The following PLPP3 variants were observed in gnomAD, a reference collection of about 807,000 sequenced individuals.
The protein encoded by PLPP3 is phospholipid phosphatase 3.
PLPP3 carries 6 observed loss-of-function variants against 29.6 expected under a neutral mutation model. That is an observed-to-expected ratio of 0.20 (90% CI 0.11 to 0.40). The LOEUF (loss-of-function observed/expected upper bound fraction) is 0.40, where lower values mean the gene tolerates loss of function less well. Ranked by LOEUF, PLPP3 falls within the 10% of genes least tolerant of loss-of-function variation. The pLI, the probability that PLPP3 is intolerant of heterozygous loss-of-function variation, is 1.00. For missense variants in PLPP3, 308 were observed against 407.7 expected, an observed-to-expected ratio of 0.76 and a Z score of 2.11; for synonymous variants, 152 against 159.7, an observed-to-expected ratio of 0.95 and a Z score of 0.36.
At chr1:56,564,742 A>G (rs1326200718) in intron 1 of PLPP3, among the ~76,000 whole-genome samples, 1 of 152,230 alleles carries the variant, frequency 6.6e-6, no homozygotes, top group Non-Finnish European at 1.5e-5. Context: ...CTGCTTTCAT[A>G]TAACATCTAT....
At chr1:56,505,334 C>T (rs1388458412) in intron 5 of PLPP3, among the ~76,000 whole-genome samples, 1 of 152,216 alleles carries the variant, frequency 6.6e-6, no homozygotes, top group Non-Finnish European at 1.5e-5. Context: ...CTTGCCCTGA[C>T]AGCCTACCTA....
chr1:56,556,199 T>C (rs972105970), intron 1 of PLPP3, among the ~76,000 whole-genome samples: 2 of 152,134 alleles, frequency 1.3e-5, no homozygotes, highest in Non-Finnish European at 1.5e-5. Flanking sequence ...TATGAAGTTA[T>C]TTGGAGATAG....
At chr1:56,563,428 G>T (rs1646142942) in intron 1 of PLPP3, among the ~76,000 whole-genome samples, 1 of 152,258 alleles carries the variant, frequency 6.6e-6, no homozygotes, top group Middle Eastern at 3.4e-3. Flanking sequence ...CTGATAAGAA[G>T]AATTAACAAT....
At chr1:56,517,750 T>C (rs1020889750) in intron 4 of PLPP3, among the ~76,000 whole-genome samples, 5 of 152,362 alleles carry the variant, frequency 3.3e-5, no homozygotes, top group East Asian at 1.9e-4. Context: ...AAGAGGCAGT[T>C]TGAGGGCAAA....
rs796778298 is a variant in PLPP3 at position 56,522,392 on chromosome 1, A to T, written c.633+1431T>A. Reference sequence around the variant, plus strand: ...AAATGAACACATACCCAGTTCCTCTAAGCACTTTTATAAAACATCGAAATT... The same window carrying T: ...AAATGAACACATACCCAGTTCCTCTTAGCACTTTTATAAAACATCGAAATT... On this transcript the variant is annotated intron_variant, in intron 4 of 5. Coordinates refer to ENST00000371250, the MANE Select transcript of PLPP3 (RefSeq NM_003713.5). Among the ~76,000 whole-genome samples, 4 of 152,338 alleles carry T rather than the reference A, an allele frequency of 2.6e-5. No homozygotes were observed. In the South Asian group the frequency reaches 6.2e-4, roughly 24 times the overall value.
intron 2 of PLPP3, among the ~76,000 whole-genome samples, chr1:56,527,566 G>C (rs1388510565): frequency 6.6e-6 from 1 of 152,176 alleles, no homozygotes; most frequent in African/African-American, 2.4e-5. Context: ...AGATTTTTAA[G>C]GAGAGGGCCA....
intron 2 of PLPP3, among the ~76,000 whole-genome samples, chr1:56,533,046 T>C (rs558958115): frequency 4.6e-5 from 7 of 150,778 alleles, no homozygotes; most frequent in African/African-American, 1.7e-4. Context: ...AGCAACCTAT[T>C]ATGTAGCTTT....
intron 4 of PLPP3, 148 bp downstream of exon 4, chr1:56,523,675 C>T (rs1645833936): frequency 1.2e-6 from 1 of 823,284 alleles, no homozygotes; most frequent in African/African-American, 1.7e-5. Flanking sequence ...AGTGGCAGCG[C>T]TCAGAATTAA....
intron 1 of PLPP3, 50 bp downstream of exon 1, chr1:56,578,828 G>A (rs1304961671): frequency 6.1e-6 from 9 of 1,481,190 alleles, no homozygotes; most frequent in Admixed American, 4.6e-5. Flanking sequence ...TGGGACGCGC[G>A]CCGAGGGACG....
intron 2 of PLPP3, among the ~76,000 whole-genome samples, chr1:56,527,744 C>T (rs1403955034): frequency 1.3e-5 from 2 of 152,100 alleles, no homozygotes; most frequent in African/African-American, 2.4e-5. Flanking sequence ...ATGAACCAGG[C>T]GGACTTGGCT....
At chr1:56,548,513 G>A (rs1033607310) in intron 1 of PLPP3, among the ~76,000 whole-genome samples, 2 of 152,170 alleles carry the variant, frequency 1.3e-5, no homozygotes, top group Non-Finnish European at 2.9e-5. Flanking sequence ...TTTTCCCAGA[G>A]ATCTAAGGCT....
intron 1 of PLPP3, among the ~76,000 whole-genome samples, chr1:56,545,879 C>T (rs1646002471): frequency 6.6e-6 from 1 of 152,102 alleles, no homozygotes; most frequent in South Asian, 2.1e-4. Context: ...GAGCCAGATG[C>T]AGTGCCAAAA....
At chr1:56,545,528 T>C (rs61772625) in intron 1 of PLPP3, among the ~76,000 whole-genome samples, 14,073 of 152,114 alleles carry the variant, frequency 0.093, 865 homozygotes, top group Non-Finnish European at 0.13. Flanking sequence ...AGGAACTTCT[T>C]GGGATTGGGT....
intron 4 of PLPP3, among the ~76,000 whole-genome samples, chr1:56,522,346 T>C (rs192019955): frequency 1.3e-5 from 2 of 152,164 alleles, no homozygotes; most frequent in Admixed American, 1.3e-4. Flanking sequence ...TCATTTGGAA[T>C]AAAATGAAGG....
chr1:56,499,317 A>C (rs1288559741), intron 5 of PLPP3, among the ~76,000 whole-genome samples: 1 of 152,144 alleles, frequency 6.6e-6, no homozygotes, highest in Non-Finnish European at 1.5e-5. Flanking sequence ...ATACCAAAGT[A>C]ATTACTGGGC....
intron 1 of PLPP3, among the ~76,000 whole-genome samples, chr1:56,559,265 G>A (rs936559060): frequency 2.1e-4 from 32 of 152,278 alleles, no homozygotes; most frequent in African/African-American, 7.7e-4. Context: ...GAAGCAAGGA[G>A]ACTAATATGG....
At chr1:56,498,348 A>C (rs1158711608) in intron 5 of PLPP3, among the ~76,000 whole-genome samples, 1 of 152,158 alleles carries the variant, frequency 6.6e-6, no homozygotes, top group African/African-American at 2.4e-5. Context: ...TTGGTTTGGG[A>C]AACTGTTTTC....
chr1:56,513,273 T>C (rs1016431579), intron 4 of PLPP3: 1 of 152,622 alleles, frequency 6.6e-6, no homozygotes, highest in Non-Finnish European at 1.5e-5. Context: ...AGAGTTATCT[T>C]GCTGCAGTTT....
chr1:56,557,896 C>T (rs1222595521), intron 1 of PLPP3, among the ~76,000 whole-genome samples: 1 of 152,192 alleles, frequency 6.6e-6, no homozygotes, highest in Non-Finnish European at 1.5e-5. Flanking sequence ...TTGCTCTGCG[C>T]TGCAGCCAAA....
Sources: gnomAD v4.1 joint callset for allele counts (sites outside exome capture counted in the v4.1 genomes callset) on GRCh38, gnomAD v4.1.1 for gene constraint, MANE v1.5 for transcripts, NCBI Gene and HGNC (gene_info 2026-07-23, HGNC 2026-07-21) for gene names.